Variants in PDZRN4 observed in about 807,000 individuals in gnomAD.
PDZRN4 encodes PDZ domain containing ring finger 4.
PDZRN4 carries 70 observed loss-of-function variants against 99.0 expected under a neutral mutation model. That is an observed-to-expected ratio of 0.71 (90% CI 0.58 to 0.86). The LOEUF (loss-of-function observed/expected upper bound fraction) is 0.86, where lower values mean the gene tolerates loss of function less well. PDZRN4 is among the 40% of genes least tolerant of loss of function. PDZRN4 has a pLI of 0.00. For missense variants in PDZRN4, 1,474 were observed against 1,331.2 expected, an observed-to-expected ratio of 1.11 and a Z score of -1.67; for synonymous variants, 551 against 501.6, an observed-to-expected ratio of 1.10 and a Z score of -1.32.
At chr12:41,381,170 T>C (rs1952122700) in intron 3 of PDZRN4, among the ~76,000 whole-genome samples, 1 of 152,188 alleles carries the variant, frequency 6.6e-6, no homozygotes, top group East Asian at 1.9e-4. Flanking sequence ...TTTTGGCAAT[T>C]TTATTACAAT....
At chr12:41,197,920 G>GTTTTTTTTTTTTT (rs533696414) in intron 3 of PDZRN4, among the ~76,000 whole-genome samples, 6 of 115,612 alleles carry the variant, frequency 5.2e-5, no homozygotes, top group Non-Finnish European at 6.9e-5. Flanking sequence ...TTTTTTCTGG[G>GTTTTTTTTTTTTT]TTTTTTTTTT....
At chr12:41,444,185 G>C (rs1461508075) in intron 3 of PDZRN4, among the ~76,000 whole-genome samples, 1 of 152,090 alleles carries the variant, frequency 6.6e-6, no homozygotes, top group Non-Finnish European at 1.5e-5. Flanking sequence ...CTTTAGAACA[G>C]ACTTGCTCCA....
intron 3 of PDZRN4, among the ~76,000 whole-genome samples, chr12:41,312,293 T>G (rs1287968847): frequency 6.6e-6 from 1 of 152,080 alleles, no homozygotes; most frequent in Non-Finnish European, 1.5e-5. Flanking sequence ...ATACACATTT[T>G]GAGTTTCTCT....
intron 3 of PDZRN4, among the ~76,000 whole-genome samples, chr12:41,384,054 G>C (rs1952146999): frequency 8.0e-6 from 1 of 125,494 alleles, no homozygotes; most frequent in African/African-American, 3.0e-5. Flanking sequence ...CCAGGCTGGA[G>C]TGCAGTGGCG....
At chr12:41,391,642 G>A (rs1952212013) in intron 3 of PDZRN4, among the ~76,000 whole-genome samples, 1 of 152,148 alleles carries the variant, frequency 6.6e-6, no homozygotes, top group South Asian at 2.1e-4. Context: ...CAATTTCTTG[G>A]ATGTCATAAT....
intron 3 of PDZRN4, among the ~76,000 whole-genome samples, chr12:41,350,550 A>T (rs1865114981): frequency 6.6e-6 from 1 of 152,112 alleles, no homozygotes; most frequent in African/African-American, 2.4e-5. Flanking sequence ...ACAATGACAA[A>T]AATTATAGGA....
intron 3 of PDZRN4, among the ~76,000 whole-genome samples, chr12:41,235,158 T>C (rs1049151802): frequency 6.6e-6 from 1 of 152,156 alleles, no homozygotes; most frequent in African/African-American, 2.4e-5. Context: ...AGATGAGCAC[T>C]GTAATTTTAT....
intron 9 of PDZRN4, among the ~76,000 whole-genome samples, chr12:41,571,366 TCTCTCTCTCTCACACACACA>T (rs1325054929): frequency 0.063 from 6,637 of 106,134 alleles, 513 homozygotes; most frequent in African/African-American, 0.22. Flanking sequence ...TCTCTCTCTC[TCTCTCTCTCTCACACACACA>T]CACACACACA....
intron 3 of PDZRN4, among the ~76,000 whole-genome samples, chr12:41,424,442 A>T (rs1218986311): frequency 6.6e-6 from 1 of 152,192 alleles, no homozygotes; most frequent in Admixed American, 6.5e-5. Flanking sequence ...AACAATTTTT[A>T]TACTGACATT....
intron 3 of PDZRN4, among the ~76,000 whole-genome samples, chr12:41,302,186 A>G (rs1374209765): frequency 6.6e-6 from 1 of 152,048 alleles, no homozygotes; most frequent in Non-Finnish European, 1.5e-5. Context: ...ATACAGAACT[A>G]CTCAGAATAT....
intron 3 of PDZRN4, among the ~76,000 whole-genome samples, chr12:41,234,620 G>T (rs1399725500): frequency 6.6e-6 from 1 of 152,104 alleles, no homozygotes; most frequent in African/African-American, 2.4e-5. Context: ...AGCTTTTGCG[G>T]TTCATCTAAA....
chr12:41,245,753 G>A (rs1045392676), intron 3 of PDZRN4, among the ~76,000 whole-genome samples: 8 of 152,160 alleles, frequency 5.3e-5, no homozygotes, highest in South Asian at 4.1e-4. Context: ...AGGAGTCTTT[G>A]CAGAGGAAAC....
At chr12:41,567,208 G>T (rs925630145) in intron 8 of PDZRN4, among the ~76,000 whole-genome samples, 3 of 152,096 alleles carry the variant, frequency 2.0e-5, no homozygotes, top group African/African-American at 7.2e-5. Context: ...TCCTTTCCTT[G>T]AGAAGAATAA....
chr12:41,196,072 G>T (rs1198809608), intron 3 of PDZRN4, among the ~76,000 whole-genome samples: 2 of 151,922 alleles, frequency 1.3e-5, no homozygotes, highest in African/African-American at 2.4e-5. Flanking sequence ...TTTTTATATT[G>T]TCATACAACA....
At chr12:41,298,822 A>C (rs1218440698) in intron 3 of PDZRN4, among the ~76,000 whole-genome samples, 4 of 152,174 alleles carry the variant, frequency 2.6e-5, no homozygotes, top group Admixed American at 6.6e-5. Flanking sequence ...GATTAATAAG[A>C]TTTGGGGAGA....
intron 6 of PDZRN4, among the ~76,000 whole-genome samples, chr12:41,554,083 C>G (rs1939102490): frequency 6.6e-6 from 1 of 152,300 alleles, no homozygotes; most frequent in East Asian, 1.9e-4. Flanking sequence ...GGAAAAATCT[C>G]CAGATAATAT....
chr12:41,324,546 A>G (rs1406356570), intron 3 of PDZRN4, among the ~76,000 whole-genome samples: 1 of 152,140 alleles, frequency 6.6e-6, no homozygotes, highest in Non-Finnish European at 1.5e-5. Context: ...GTTTACACAC[A>G]GATCTCTACA....
intron 3 of PDZRN4, among the ~76,000 whole-genome samples, chr12:41,383,410 T>C (rs1952140752): frequency 1.3e-5 from 2 of 152,230 alleles, no homozygotes; most frequent in Non-Finnish European, 1.5e-5. Flanking sequence ...ATAAATACTT[T>C]CATATATTTA....
intron 3 of PDZRN4, among the ~76,000 whole-genome samples, chr12:41,276,403 C>T (rs1023366839): frequency 6.6e-6 from 1 of 151,988 alleles, no homozygotes; most frequent in African/African-American, 2.4e-5. Context: ...AACGAGTAGA[C>T]CCTGGCCTCA....
Sources: gnomAD v4.1 joint callset for allele counts (sites outside exome capture counted in the v4.1 genomes callset) on GRCh38, gnomAD v4.1.1 for gene constraint, MANE v1.5 for transcripts, NCBI Gene and HGNC (gene_info 2026-07-23, HGNC 2026-07-21) for gene names.